The following GART variants were observed in gnomAD, a reference collection of about 807,000 sequenced individuals.
GART encodes the protein trifunctional purine biosynthetic protein adenosine-3.
A neutral mutation model predicts 107.2 loss-of-function variants in GART; 43 were observed. That is an observed-to-expected ratio of 0.40 (90% CI 0.31 to 0.52). The LOEUF (loss-of-function observed/expected upper bound fraction) is 0.52. Ranked by LOEUF, GART falls within the 20% of genes least tolerant of loss-of-function variation. The pLI, the probability that GART is intolerant of heterozygous loss-of-function variation, is 0.52. For missense variants in GART, 1,107 were observed against 1,206.5 expected (o/e 0.92, Z 1.22); for synonymous variants, 434 against 427.0 (o/e 1.02, Z -0.20).
Position 33,534,758 on chromosome 21 carries a change from T to C in GART, c.242-5A>G. 6.4e-6 allele frequency: 10 copies of C among 1,563,650 alleles called. No individual in the cohort carries two copies. Among genetic ancestry groups the C allele is most frequent in the Non-Finnish European group, 8.6e-6 (10 of 1,159,654 alleles). Reference sequence around the variant, plus strand: ...ACCTCAGGTTCCCAACAATCCCTATTGATGAAAACAGTAGCCTTAGGTGAA... The same window carrying C: ...ACCTCAGGTTCCCAACAATCCCTATCGATGAAAACAGTAGCCTTAGGTGAA... On this transcript the variant is annotated splice_region_variant and splice_polypyrimidine_tract_variant and intron_variant, in intron 3 of 21. Coordinates refer to ENST00000381815, the MANE Select transcript of GART (RefSeq NM_000819.5).
intron 16 of GART, among the ~76,000 whole-genome samples, chr21:33,516,313 A>G (rs1483841269): frequency 6.6e-6 from 1 of 151,768 alleles, no homozygotes; most frequent in Non-Finnish European, 1.5e-5. Flanking sequence ...ATACTTTTAC[A>G]TGGTTTACCC....
intron 4 of GART, among the ~76,000 whole-genome samples, chr21:33,533,618 C>T (rs1017634602): frequency 4.0e-5 from 6 of 150,662 alleles, no homozygotes; most frequent in African/African-American, 9.8e-5. Flanking sequence ...TCAATCTGAC[C>T]GTGAGGCCTA....
At chr21:33,529,122 A>G (rs2145738346) in intron 7 of GART, among the ~76,000 whole-genome samples, 185 bp from the exon 8 acceptor site, 1 of 152,276 alleles carries the variant, frequency 6.6e-6, no homozygotes, top group Non-Finnish European at 1.5e-5. Flanking sequence ...TCAAGTAGGT[A>G]TTTTAGCTTT....
chr21:33,509,698 G>A lies in GART; in HGVS notation c.2452+85C>T. 3 of 1,416,924 alleles carry A rather than the reference G, an allele frequency of 2.1e-6. No homozygotes were observed. The South Asian group carries it at 3.9e-5, about 19-fold the overall frequency. 87.8% of individuals were successfully genotyped at this position (1,416,924 alleles called of 1,614,324 possible). Reference sequence around the variant, plus strand: ...CCCCCCAGTCCCTAGACTCTGCCGAGAGTAACCTTACAATCTCACAAGAGT... The same window carrying A: ...CCCCCCAGTCCCTAGACTCTGCCGAAAGTAACCTTACAATCTCACAAGAGT... On this transcript the variant is annotated intron_variant, in intron 18 of 21. Coordinates refer to ENST00000381815, the MANE Select transcript of GART (RefSeq NM_000819.5).
At chr21:33,530,057 T>C (rs568975504) in intron 7 of GART, among the ~76,000 whole-genome samples, 140 of 152,222 alleles carry the variant, frequency 9.2e-4, no homozygotes, top group Middle Eastern at 3.4e-3. Context: ...CCTGGCGTGG[T>C]GGCCTGTGCC....
In GART at chr21:33,520,467, G is replaced by A; in HGVS notation, c.1599C>T (p.Phe533=). 6.2e-7 allele frequency: 1 copy of A among 1,614,104 alleles called. No homozygotes were observed. The highest frequency in any genetic ancestry group is 8.5e-7 in the Non-Finnish European group (1 of 1,179,954). The stretch of plus-strand genomic sequence containing the variant: ...TTCCACAGGAAAAGTAATCAAGGAA[G>A]AAGAGGGGCTCTGCTCCTTGTGCCA... The part of the protein sequence containing the change: ...DILAQGAEPL[F]FLDYFSCGKL... Residue 533 remains phenylalanine, a synonymous_variant, in exon 14 of 22, where the codon TTC becomes TTT. Coordinates refer to ENST00000381815, the MANE Select transcript of GART (RefSeq NM_000819.5).
Position 33,516,915 on chromosome 21 carries a change from C to G in GART, c.2107+74G>C, listed in dbSNP as rs533853368. ...TGTGTAATCATGTGTACATTAACTACCCATAGTTTTCTCGCACAATGCATT... is the reference window on the plus strand; with the variant it reads ...TGTGTAATCATGTGTACATTAACTAGCCATAGTTTTCTCGCACAATGCATT... On this transcript the variant is annotated intron_variant, in intron 16 of 21. Transcript: ENST00000381815. 4,768 of 1,299,960 alleles carry G rather than the reference C, an allele frequency of 3.7e-3. 16 individuals carry two copies. Among genetic ancestry groups the G allele is most frequent in the Non-Finnish European group, 4.4e-3 (4,083 of 932,270 alleles). 80.5% of individuals were successfully genotyped at this position (1,299,960 alleles called of 1,614,324 possible).
intron 2 of GART, among the ~76,000 whole-genome samples, 168 bp from the exon 3 acceptor site, chr21:33,535,488 GGA>G (rs953555075): frequency 1.6e-4 from 24 of 152,236 alleles, no homozygotes; most frequent in African/African-American, 5.5e-4. Context: ...GAAATTCAGA[GGA>G]GAGTGCATTA....
intron 1 of GART, among the ~76,000 whole-genome samples, chr21:33,539,814 A>T (rs2085376811): frequency 6.6e-6 from 1 of 152,194 alleles, no homozygotes; most frequent in Non-Finnish European, 1.5e-5. Context: ...GAGAAATATG[A>T]CTGTCGTCAT....
Position 33,507,970 on chromosome 21 carries a change from A to G in GART, c.2452+1813T>C, listed in dbSNP as rs1420890921. Among the ~76,000 whole-genome samples the G allele has an allele frequency of 2.6e-5, 4 of 152,236 alleles. No homozygotes were observed. The East Asian group carries it at 7.7e-4, about 29-fold the overall frequency. On this transcript the variant is annotated intron_variant, in intron 18 of 21. Coordinates refer to ENST00000381815, the MANE Select transcript of GART (RefSeq NM_000819.5). ...TATTACAGGTTGTATGGCTGTATCAAAAGATCTCATGTACCCTATAAATAT... is the reference window on the plus strand; with the variant it reads ...TATTACAGGTTGTATGGCTGTATCAGAAGATCTCATGTACCCTATAAATAT...
chr21:33,542,717 C>T (rs781227482), upstream of GART: 4 of 202,802 alleles, frequency 2.0e-5, no homozygotes, highest in Non-Finnish European at 3.1e-5. Context: ...GCTCTTCTTC[C>T]TCTTCGCCTT....
intron 14 of GART, chr21:33,518,875 T>G (rs919880789): frequency 1.9e-6 from 1 of 536,640 alleles, no homozygotes; most frequent in Admixed American, 1.9e-5. Context: ...CTGCGTTGTC[T>G]CAGCATGGCC....
In GART at chr21:33,520,430, T is replaced by C. The variant is rs2084950915; in HGVS notation, c.1636A>G (p.Ser546Gly). 5 of 1,614,114 alleles carry C rather than the reference T, an allele frequency of 3.1e-6. No individual in the cohort carries two copies. Among genetic ancestry groups the C allele is most frequent in the Non-Finnish European group, 4.2e-6 (5 of 1,179,986 alleles). The part of the protein sequence containing the change: ...DYFSCGKLDL[S>G]VTEAVVAGIA... ...CCAGCAACAACAGCTTCAGTTACACTGAGGTCAAGTTTTCCACAGGAAAAG... is the reference window on the plus strand; with the variant it reads ...CCAGCAACAACAGCTTCAGTTACACCGAGGTCAAGTTTTCCACAGGAAAAG... The change falls in exon 14 of 22, where the codon AGT becomes GGT. Residue 546 changes from serine (S) to glycine (G), a missense_variant. Transcript: ENST00000381815.
rs1337885232 is a variant in GART, at chr21:33,511,416, T to C, written c.2150A>G (p.Gln717Arg). Residue 717 changes from glutamine to arginine, a missense_variant, in exon 17 of 22, where the codon CAG (glutamine) becomes CGG (arginine). Transcript: ENST00000381815. ...TTCCTCAGAGAGGTGTCCTTCCTGC[T>C]GCAACCATGAGAAGACCCTGGGGAT... ...WRIPRVFSWL[Q>R]QEGHLSEEEM... is the part of the protein sequence containing the mutation. The C allele has an allele frequency of 3.1e-6, 5 of 1,614,158 alleles. No homozygotes were observed. Among genetic ancestry groups the C allele is most frequent in the Non-Finnish European group, 3.4e-6 (4 of 1,180,022 alleles).
At chr21:33,526,695 C>G (rs1292467327) in intron 10 of GART, among the ~76,000 whole-genome samples, 1 of 152,152 alleles carries the variant, frequency 6.6e-6, no homozygotes, top group Non-Finnish European at 1.5e-5. Flanking sequence ...GGGTCAGCCC[C>G]AAATTCCTGC....
chr21:33,542,339 G>C (rs1486324995), upstream of GART: 1 of 152,370 alleles, frequency 6.6e-6, no homozygotes, highest in East Asian at 1.9e-4. Flanking sequence ...AGTGTTTCCA[G>C]GAGCGCCGGG....
At chr21:33,531,584 T>TC (rs1383240539) in intron 5 of GART, 27 bp from the exon 6 acceptor site, 62 of 1,570,702 alleles carry the variant, frequency 3.9e-5, no homozygotes, top group Non-Finnish European at 5.2e-5. Context: ...TTTTTTTTTT[T>TC]TTTTTAAAAA....
At chr21:33,532,150 A>G (rs545720526) in intron 5 of GART, 195 bp downstream of exon 5, 2 of 546,726 alleles carry the variant, frequency 3.7e-6, no homozygotes, top group Non-Finnish European at 3.2e-6. Flanking sequence ...AAATAATACA[A>G]TCATGGTTTA....
chr21:33,517,299 C>T, intron 15 of GART, 58 bp downstream of exon 15: 1 of 1,603,770 alleles, frequency 6.2e-7, no homozygotes, highest in South Asian at 1.1e-5. Context: ...AGACTAAAAC[C>T]ACTAAATGCT....
Sources: allele counts gnomAD v4.1 joint callset (sites outside exome capture counted in the v4.1 genomes callset), GRCh38; gene constraint gnomAD v4.1.1; transcripts MANE v1.5; gene names NCBI Gene and HGNC (gene_info 2026-07-23, HGNC 2026-07-21).